Variants in SKI observed in about 807,000 individuals in gnomAD.
SKI encodes the protein SKI proto-oncogene.
A neutral mutation model predicts 59.3 loss-of-function variants in SKI; 23 were observed. The observed-to-expected ratio is 0.39, with a 90% CI of 0.28 to 0.55. SKI has a LOEUF of 0.55. Ranked by LOEUF, SKI falls within the 20% of genes least tolerant of loss-of-function variation. SKI has a pLI of 0.67. For synonymous variants in SKI, 673 were observed against 488.6 expected, an observed-to-expected ratio of 1.38 and a Z score of -4.98; for missense variants, 1,017 against 1,038.9, an observed-to-expected ratio of 0.98 and a Z score of 0.29.
intron 1 of SKI, among the ~76,000 whole-genome samples, chr1:2,251,389 T>C (rs1189420567): frequency 6.6e-6 from 1 of 152,202 alleles, no homozygotes; most frequent in East Asian, 1.9e-4. Flanking sequence ...CCCACAGTAC[T>C]GGGATTACAG....
chr1:2,304,518 T>A lies in SKI; in HGVS notation c.1700T>A (p.Val567Asp). 7 of 1,582,514 alleles carry A rather than the reference T, an allele frequency of 4.4e-6. No individual in the cohort carries two copies. The highest frequency in any genetic ancestry group is 6.0e-6 in the Non-Finnish European group (7 of 1,165,780). The change falls in exon 5 of 7, where the codon GTC becomes GAC. Residue 567 changes from valine to aspartate, a missense_variant. Val to Asp is a radical substitution (Grantham distance 152). Coordinates refer to ENST00000378536, the MANE Select transcript of SKI (RefSeq NM_003036.4). ...EAKEKFLHEV[V>D]KMRVKQEEKL... is the part of the protein sequence containing the mutation. ...AAAGAGAAGTTCCTGCATGAGGTGG[T>A]CAAGATGCGCGTGAAGCAGGAGGAG...
intron 1 of SKI, among the ~76,000 whole-genome samples, chr1:2,284,956 A>G (rs1000351552): frequency 3.9e-5 from 6 of 152,210 alleles, no homozygotes; most frequent in East Asian, 3.8e-4. Context: ...ATCAGAATTC[A>G]TAAGTGGTTT....
At chr1:2,241,949 CTGTG>C (rs34969427) in intron 1 of SKI, among the ~76,000 whole-genome samples, 12 of 150,232 alleles carry the variant, frequency 8.0e-5, no homozygotes, top group South Asian at 4.2e-4. Context: ...GCATGCCTGT[CTGTG>C]TGTGTGTGTG....
intron 1 of SKI, among the ~76,000 whole-genome samples, chr1:2,242,717 C>A (rs1030405850): frequency 6.6e-6 from 1 of 152,024 alleles, no homozygotes; most frequent in Non-Finnish European, 1.5e-5. Context: ...ATGTGATCTC[C>A]GTTTGTTACC....
At chr1:2,256,996 C>T (rs1255246250) in intron 1 of SKI, among the ~76,000 whole-genome samples, 3 of 152,188 alleles carry the variant, frequency 2.0e-5, no homozygotes, top group Non-Finnish European at 2.9e-5. Flanking sequence ...ACTGGTGCTC[C>T]GGTTGCTGTG....
intron 1 of SKI, among the ~76,000 whole-genome samples, chr1:2,274,707 T>A (rs1639703509): frequency 6.6e-6 from 1 of 152,186 alleles, no homozygotes; most frequent in Non-Finnish European, 1.5e-5. Context: ...TGATGGGACT[T>A]GAAGGGGCCT....
At position 2,265,332 on chromosome 1, in the gene SKI, C is replaced by T. The variant is rs1459770055; in HGVS notation, c.969+35597C>T. Among the ~76,000 whole-genome samples the T allele has an allele frequency of 2.0e-5, 3 of 152,036 alleles. No individual in the cohort carries two copies. The East Asian group carries it at 5.8e-4, about 29-fold the overall frequency. On this transcript the variant is annotated intron_variant, in intron 1 of 6. Transcript: ENST00000378536. ...TCTCATCTTCTGGATTCTTTTTTTT[C>T]CTCTATTTCCCTGTGAGTAGTTTCT...
In SKI at chr1:2,229,106, G is replaced by A. The variant is rs1165144413; in HGVS notation, c.340G>A (p.Val114Met). Residue 114 changes from valine to methionine, a missense_variant, in exon 1 of 7, where the codon GTG becomes ATG. By Grantham distance (21) the Val-to-Met change is conservative (BLOSUM62 1). Coordinates refer to ENST00000378536, the MANE Select transcript of SKI (RefSeq NM_003036.4). This position sits in a 1 kb window ranked among gnomAD's most constrained non-coding sequence, Gnocchi z 6.3. ...GGAAGGCGAGACCATCTCGTGCTTC[G>A]TGGTGGGAGGCGAGAAGCGCCTGTG... ...VLEGETISCFVVGGEKRLCLP... is the reference protein window; with the variant it reads ...VLEGETISCFMVGGEKRLCLP... 1 of 1,610,066 alleles carries A rather than the reference G, an allele frequency of 6.2e-7. No homozygotes were observed. Among genetic ancestry groups the A allele is most frequent in the African/African-American group, 1.3e-5 (1 of 74,924 alleles).
At chr1:2,286,958 G>A (rs1430398174) in intron 1 of SKI, among the ~76,000 whole-genome samples, 11 of 152,248 alleles carry the variant, frequency 7.2e-5, no homozygotes, top group Non-Finnish European at 2.9e-5. Flanking sequence ...GAATGCCAAT[G>A]ATGGGGACAG....
At chr1:2,237,979 C>T (rs1048573939) in intron 1 of SKI, among the ~76,000 whole-genome samples, 2 of 152,192 alleles carry the variant, frequency 1.3e-5, no homozygotes, top group Non-Finnish European at 2.9e-5. Context: ...GTGTGGCGGG[C>T]GTCTCTCCCC....
At chr1:2,283,344 G>A (rs1639955512) in intron 1 of SKI, among the ~76,000 whole-genome samples, 1 of 146,114 alleles carries the variant, frequency 6.8e-6, no homozygotes, top group South Asian at 2.1e-4. Context: ...AGGACTCAGA[G>A]CCTCAGGGGG....
intron 1 of SKI, among the ~76,000 whole-genome samples, chr1:2,255,648 T>G (rs1639257749): frequency 6.6e-6 from 1 of 151,260 alleles, no homozygotes; most frequent in South Asian, 2.1e-4. Flanking sequence ...TCTGGAGCTC[T>G]CTCTGTCCTG....
intron 1 of SKI, among the ~76,000 whole-genome samples, chr1:2,261,611 C>T (rs1206241299): frequency 6.6e-6 from 1 of 152,266 alleles, no homozygotes; most frequent in Non-Finnish European, 1.5e-5. Flanking sequence ...ACCTTCCTAA[C>T]TTGCTCATGA....
At chr1:2,273,784 C>CT (rs1639681514) in intron 1 of SKI, among the ~76,000 whole-genome samples, 6 of 152,228 alleles carry the variant, frequency 3.9e-5, no homozygotes, top group African/African-American at 1.4e-4. Context: ...CGGGCTGAGG[C>CT]TGCAGGGGGC....
intron 1 of SKI, among the ~76,000 whole-genome samples, chr1:2,293,807 G>T (rs1395952507): frequency 6.6e-6 from 1 of 152,180 alleles, no homozygotes; most frequent in Admixed American, 6.5e-5. Context: ...CGCTTCTTCA[G>T]CTGGCACCTT....
In SKI at chr1:2,303,739, G is replaced by A. The variant is rs1640486922; in HGVS notation, c.1212-101G>A. The A allele has an allele frequency of 6.8e-7, 1 of 1,466,146 alleles. No individual in the cohort carries two copies. Among genetic ancestry groups the A allele is most frequent in the Non-Finnish European group, 9.3e-7 (1 of 1,070,912 alleles). The allele number at this position is 1,466,146 out of a possible 1,614,324, so 90.8% of individuals were successfully genotyped here. On this transcript the variant is annotated intron_variant, in intron 3 of 6. Transcript: ENST00000378536. This position sits in a 1 kb window ranked among gnomAD's most constrained non-coding sequence, Gnocchi z 5.6. The stretch of plus-strand genomic sequence containing the variant: ...GACTTGAAGATTCGGAGCTGGGAAA[G>A]TCTTTCCTGTTTAACACCTTCAGAG...
At chr1:2,279,999 C>G (rs943467191) in intron 1 of SKI, among the ~76,000 whole-genome samples, 1 of 152,178 alleles carries the variant, frequency 6.6e-6, no homozygotes, top group Non-Finnish European at 1.5e-5. Flanking sequence ...CTCCACTCCT[C>G]AGCCATTCAG....
In SKI at chr1:2,269,503, T is replaced by C. The variant is rs1639570926; in HGVS notation, c.970-33475T>C. Among the ~76,000 whole-genome samples, 1 of 152,268 alleles carries C rather than the reference T, an allele frequency of 6.6e-6. No individual in the cohort carries two copies. The highest frequency in any genetic ancestry group is 6.5e-5 in the Admixed American group (1 of 15,292). On this transcript the variant is annotated intron_variant, in intron 1 of 6. Transcript: ENST00000378536. This position sits in a 1 kb window ranked among gnomAD's most constrained non-coding sequence, Gnocchi z 4.7. The stretch of plus-strand genomic sequence containing the variant: ...TGGCCTTCTGTGAAGCAAAGCCGTT[T>C]TGCAGGCTGGGTTCATCCCCGTTCC...
At position 2,248,649 on chromosome 1, in the gene SKI, C is replaced by A. The variant is rs147335671; in HGVS notation, c.969+18914C>A. Among the ~76,000 whole-genome samples, 690 of 152,370 alleles carry A rather than the reference C, an allele frequency of 4.5e-3. 3 individuals carry two copies. The highest frequency in any genetic ancestry group is 0.022 in the South Asian group (104 of 4,830). ...GGGCAGCCTCTCTGGCAGGCACTGGCTGTACCTGTTGGTTTTCCTTTGCCC... is the reference window on the plus strand; with the variant it reads ...GGGCAGCCTCTCTGGCAGGCACTGGATGTACCTGTTGGTTTTCCTTTGCCC... On this transcript the variant is annotated intron_variant, in intron 1 of 6. Coordinates refer to ENST00000378536, the MANE Select transcript of SKI (RefSeq NM_003036.4).
Sources: gnomAD v4.1 joint callset for allele counts (sites outside exome capture counted in the v4.1 genomes callset) on GRCh38, gnomAD v4.1.1 for gene constraint, Gnocchi (gnomAD v3.1) non-coding constraint, MANE v1.5 for transcripts, NCBI Gene and HGNC (gene_info 2026-07-23, HGNC 2026-07-21) for gene names.